The following ZNF844 variants were observed in gnomAD, a reference collection of about 807,000 sequenced individuals.
ZNF844 encodes zinc finger protein 844.
A neutral mutation model predicts 11.4 loss-of-function variants in ZNF844; 11 were observed. The observed-to-expected ratio is 0.97, with a 90% CI of 0.61 to 1.60. The LOEUF (loss-of-function observed/expected upper bound fraction) is 1.60, where lower values mean the gene tolerates loss of function less well. Ranked by LOEUF, ZNF844 falls within the 40% of genes most tolerant of loss-of-function variation. The pLI, the probability that ZNF844 is intolerant of heterozygous loss-of-function variation, is 0.00. For synonymous variants in ZNF844, 248 were observed against 260.3 expected (o/e 0.95, Z 0.46); for missense variants, 790 against 796.8 (o/e 0.99, Z 0.10).
chr19:12,069,078 G>A (rs192116231), intron 1 of ZNF844, among the ~76,000 whole-genome samples: 1 of 152,050 alleles, frequency 6.6e-6, no homozygotes, highest in Non-Finnish European at 1.5e-5. Flanking sequence ...GGTCAGCGAT[G>A]CCTTTCTGAG....
rs1473571906 is a variant in ZNF844, at chr19:12,077,817, C to G, written c.*696C>G. The G allele has an allele frequency of 3.3e-6, 1 of 302,260 alleles. No individual in the cohort carries two copies. The highest frequency in any genetic ancestry group is 4.4e-5 in the Admixed American group (1 of 22,752). 18.7% of individuals were successfully genotyped at this position (302,260 alleles called of 1,614,324 possible). A position where few individuals can be genotyped will look rare whatever the true frequency, so the allele number is the denominator to read the frequency against. On this transcript the variant is annotated 3_prime_UTR_variant, in exon 4 of 4. Coordinates refer to ENST00000439326, the MANE Select transcript of ZNF844 (RefSeq NM_001136501.3). ...AATGTTTATAGCAGCTGCATACTAA[C>G]ATGTTATTCTGTATTTTTTTTTTCT...
Position 12,064,762 on chromosome 19 carries a change from G to T in ZNF844, c.-112G>T. 11 of 1,201,838 alleles carry T rather than the reference G, an allele frequency of 9.2e-6. No individual in the cohort carries two copies. Among genetic ancestry groups the T allele is most frequent in the Non-Finnish European group, 1.3e-5 (11 of 858,248 alleles). The allele number at this position is 1,201,838 out of a possible 1,614,324, so 74.4% of individuals were successfully genotyped here. ...TGGCCCCTCCCGCCGGGTGAGGTTG[G>T]CACCCCGTTTTTCCTGCTCTGAGAG... On this transcript the variant is annotated 5_prime_UTR_variant, in exon 1 of 4. Coordinates refer to ENST00000439326, the MANE Select transcript of ZNF844 (RefSeq NM_001136501.3).
intron 1 of ZNF844, among the ~76,000 whole-genome samples, chr19:12,067,916 A>AAAAGAAAG (rs199620118): frequency 4.8e-5 from 4 of 83,994 alleles, no homozygotes; most frequent in South Asian, 4.0e-4. Context: ...TGTCTCAAAA[A>AAAAGAAAG]AAAGAAAGAA....
intron 1 of ZNF844, among the ~76,000 whole-genome samples, chr19:12,067,272 C>T (rs373986202): frequency 2.6e-5 from 4 of 152,206 alleles, no homozygotes; most frequent in Non-Finnish European, 4.4e-5. Flanking sequence ...CGTGATCACA[C>T]CACTGCACTC....
At chr19:12,066,345 G>A (rs1341057140) in intron 1 of ZNF844, among the ~76,000 whole-genome samples, 1 of 151,682 alleles carries the variant, frequency 6.6e-6, no homozygotes, top group African/African-American at 2.4e-5. Context: ...TGTCAGACAA[G>A]CAAAAAACCT....
chr19:12,069,877 C>A (rs986794105), intron 1 of ZNF844, among the ~76,000 whole-genome samples: 22 of 151,022 alleles, frequency 1.5e-4, no homozygotes, highest in Admixed American at 1.5e-3. Flanking sequence ...ATCGCTTGAA[C>A]CCAGGAGGCG....
At position 12,078,223 on chromosome 19, in the gene ZNF844, A is replaced by G. The variant is rs1047675372; in HGVS notation, c.*1102A>G. The G allele has an allele frequency of 6.6e-6, 1 of 152,300 alleles. No individual in the cohort carries two copies. Among genetic ancestry groups the G allele is most frequent in the African/African-American group, 2.4e-5 (1 of 41,402 alleles). 9.4% of individuals were successfully genotyped at this position (152,300 alleles called of 1,614,324 possible). A position where few individuals can be genotyped will look rare whatever the true frequency, so the allele number is the denominator to read the frequency against. On this transcript the variant is annotated 3_prime_UTR_variant, in exon 4 of 4. Coordinates refer to ENST00000439326, the MANE Select transcript of ZNF844 (RefSeq NM_001136501.3). ...ATGATCTCGCCTCCGGGTTCAAGCA[A>G]TTCTCCTGCCTCAGGCTCCTGAGGA...
In ZNF844 at chr19:12,076,129, T is replaced by G; in HGVS notation, c.1009T>G (p.Cys337Gly). 6.4e-7 allele frequency: 1 copy of G among 1,571,908 alleles called. No homozygotes were observed. The highest frequency in any genetic ancestry group is 8.6e-7 in the Non-Finnish European group (1 of 1,157,592). ...AGTGACCCACTCTGGGAAAAAGCCCTGTGAATGTAAACAATGTGGGAAAGC... is the reference window on the plus strand; with the variant it reads ...AGTGACCCACTCTGGGAAAAAGCCCGGTGAATGTAAACAATGTGGGAAAGC... ...HEVTHSGKKP[C>G]ECKQCGKALS... Residue 337 changes from cysteine (C) to glycine (G), a missense_variant, in exon 4 of 4, where the codon TGT (cysteine) becomes GGT (glycine). Cys to Gly is a radical substitution (Grantham distance 159). Coordinates refer to ENST00000439326, the MANE Select transcript of ZNF844 (RefSeq NM_001136501.3).
rs764232464 is a variant in ZNF844 at position 12,076,974 on chromosome 19, T to C, written c.1854T>C (p.Asn618=). 1.2e-6 allele frequency: 2 copies of C among 1,602,556 alleles called. No homozygotes were observed. Among genetic ancestry groups the C allele is most frequent in the African/African-American group, 1.3e-5 (1 of 74,234 alleles). The part of the protein sequence containing the change: ...TLERNPMNVR[N]AEKRSIIFLL... ...AGAGAAACCCTATGAATGTAAGGAA[T>C]GCGGAAAAGCGTTCAATTATTTTTC... is the stretch of plus-strand genomic sequence containing the variant. Residue 618 remains asparagine (N), a synonymous_variant, in exon 4 of 4, where the codon AAT becomes AAC. Transcript: ENST00000439326.
At chr19:12,067,135 G>A (rs143477739) in intron 1 of ZNF844, among the ~76,000 whole-genome samples, 2,210 of 152,108 alleles carry the variant, frequency 0.015, 56 homozygotes, top group African/African-American at 0.051. Flanking sequence ...GGGAGGTGGA[G>A]TTTGCAGTGA....
At position 12,079,898 on chromosome 19, in the gene ZNF844, A is replaced by G. The variant is rs1243442384; in HGVS notation, c.*2777A>G. On this transcript the variant is annotated 3_prime_UTR_variant, in exon 4 of 4. Coordinates refer to ENST00000439326, the MANE Select transcript of ZNF844 (RefSeq NM_001136501.3). ...GAGGCGGAGGTTGCAGTGAGCCAAG[A>G]TCACAGCATTGCACTTCAGCCTGGG... is the stretch of plus-strand genomic sequence containing the variant. The G allele has an allele frequency of 2.6e-5, 4 of 152,488 alleles. No homozygotes were observed. Among genetic ancestry groups the G allele is most frequent in the African/African-American group, 9.7e-5 (4 of 41,254 alleles). The allele number at this position is 152,488 out of a possible 1,614,324, so 9.4% of individuals were successfully genotyped here. A position where few individuals can be genotyped will look rare whatever the true frequency, so the allele number is the denominator to read the frequency against.
rs1975839904 is a variant in ZNF844 at position 12,077,290 on chromosome 19, A to G, written c.*169A>G. The G allele has an allele frequency of 8.1e-7, 1 of 1,240,728 alleles. No homozygotes were observed. Among genetic ancestry groups the G allele is most frequent in the Non-Finnish European group, 1.2e-6 (1 of 843,580 alleles). 76.9% of individuals were successfully genotyped at this position (1,240,728 alleles called of 1,614,324 possible). A position where few individuals can be genotyped will look rare whatever the true frequency, so the allele number is the denominator to read the frequency against. On this transcript the variant is annotated 3_prime_UTR_variant, in exon 4 of 4. Coordinates refer to ENST00000439326, the MANE Select transcript of ZNF844 (RefSeq NM_001136501.3). ...CATGAAAGGACTCACACTGGAGAGA[A>G]ACCCTATGAGTGTAAGCAATGTGGA...
chr19:12,068,957 T>TCCCAGCTGCTCACACTGA (rs901646688), intron 1 of ZNF844, among the ~76,000 whole-genome samples: 1 of 152,064 alleles, frequency 6.6e-6, no homozygotes, highest in East Asian at 1.9e-4. Context: ...TCCTGCAGTG[T>TCCCAGCTGCTCACACTGA]CCCAGCTGCT....
At position 12,075,698 on chromosome 19, in the gene ZNF844, G is replaced by A. The variant is rs2145548101; in HGVS notation, c.578G>A (p.Gly193Glu). 1 of 1,613,692 alleles carries A rather than the reference G, an allele frequency of 6.2e-7. No homozygotes were observed. The highest frequency in any genetic ancestry group is 2.2e-5 in the East Asian group (1 of 44,882). The change falls in exon 4 of 4, where the codon GGA becomes GAA. Residue 193 changes from glycine to glutamate, a missense_variant. By Grantham distance (98) the Gly-to-Glu change is moderately conservative. Coordinates refer to ENST00000439326, the MANE Select transcript of ZNF844 (RefSeq NM_001136501.3). The part of the protein sequence containing the change: ...SIQRHMIMHN[G>E]DGTYKCKFCG... ...CAAAGACACATGATAATGCACAATG[G>A]AGATGGAACTTATAAATGTAAGTTT...
rs1296532643 is a variant in ZNF844 at position 12,079,837 on chromosome 19, A to G, written c.*2716A>G. The G allele has an allele frequency of 2.6e-5, 4 of 151,816 alleles. No individual in the cohort carries two copies. The highest frequency in any genetic ancestry group is 4.4e-5 in the Non-Finnish European group (3 of 68,252). 9.4% of individuals were successfully genotyped at this position (151,816 alleles called of 1,614,324 possible). Reference sequence around the variant, plus strand: ...GGCACATGCCTGTAATCCCAGCTACATGGGAGACTGAGGCAGGAGAATTGC... The same window carrying G: ...GGCACATGCCTGTAATCCCAGCTACGTGGGAGACTGAGGCAGGAGAATTGC... On this transcript the variant is annotated 3_prime_UTR_variant, in exon 4 of 4. Coordinates refer to ENST00000439326, the MANE Select transcript of ZNF844 (RefSeq NM_001136501.3).
chr19:12,076,971 G>A lies in ZNF844; in HGVS notation c.1851G>A (p.Arg617=). The A allele has an allele frequency of 6.9e-6, 11 of 1,602,142 alleles. No homozygotes were observed. The highest frequency in any genetic ancestry group is 2.7e-5 in the African/African-American group (2 of 74,130). The change falls in exon 4 of 4, where the codon AGG becomes AGA. Residue 617 remains arginine, a synonymous_variant. Coordinates refer to ENST00000439326, the MANE Select transcript of ZNF844 (RefSeq NM_001136501.3). Reference sequence around the variant, plus strand: ...TGGAGAGAAACCCTATGAATGTAAGGAATGCGGAAAAGCGTTCAATTATTT... The same window carrying A: ...TGGAGAGAAACCCTATGAATGTAAGAAATGCGGAAAAGCGTTCAATTATTT... The part of the protein sequence containing the change: ...HTLERNPMNV[R]NAEKRSIIFL...
At chr19:12,073,267 C>A (rs1275297577) in intron 1 of ZNF844, among the ~76,000 whole-genome samples, 1 of 151,998 alleles carries the variant, frequency 6.6e-6, no homozygotes, top group African/African-American at 2.4e-5. Context: ...TAAAGCAATT[C>A]TCCTGCCTCA....
At chr19:12,068,291 A>C (rs1321664076) in intron 1 of ZNF844, among the ~76,000 whole-genome samples, 1 of 152,192 alleles carries the variant, frequency 6.6e-6, no homozygotes, top group South Asian at 2.1e-4. Flanking sequence ...CCTGGGCGAC[A>C]GAGCAAGAAA....
chr19:12,065,460 CCTG>C (rs1975677682), intron 1 of ZNF844, among the ~76,000 whole-genome samples: 1 of 151,920 alleles, frequency 6.6e-6, no homozygotes, highest in South Asian at 2.1e-4. Context: ...GTTGTAATCG[CCTG>C]AGGGGTTCTT....
Sources: gnomAD v4.1 joint callset for allele counts (sites outside exome capture counted in the v4.1 genomes callset) on GRCh38, gnomAD v4.1.1 for gene constraint, MANE v1.5 for transcripts, NCBI Gene and HGNC (gene_info 2026-07-23, HGNC 2026-07-21) for gene names.